Variants in TOP1 observed in about 807,000 individuals in gnomAD.
TOP1 encodes the protein DNA topoisomerase 1.
A neutral mutation model predicts 111.1 loss-of-function variants in TOP1; 10 were observed. The observed-to-expected ratio is 0.09, with a 90% CI of 0.06 to 0.15. The LOEUF is 0.15. Ranked by LOEUF, TOP1 falls within the 10% of genes least tolerant of loss-of-function variation. The pLI is 1.00. For synonymous variants in TOP1, 271 were observed against 302.9 expected, an observed-to-expected ratio of 0.89 and a Z score of 1.10; for missense variants, 474 against 926.7, an observed-to-expected ratio of 0.51 and a Z score of 6.34.
rs183807984 is a variant in TOP1 at position 41,118,430 on chromosome 20, G to A, written c.1950+134G>A. 16 of 989,038 alleles carry A rather than the reference G, an allele frequency of 1.6e-5. No individual in the cohort carries two copies. The East Asian group carries it at 3.9e-4, about 24-fold the overall frequency. The allele number at this position is 989,038 out of a possible 1,614,324, so 61.3% of individuals were successfully genotyped here. A position where few individuals can be genotyped will look rare whatever the true frequency, so the allele number is the denominator to read the frequency against. Reference sequence around the variant, plus strand: ...AGGTCTATGCTAAAGATAAACAAATGGAAATATGATAGTAGTTAATCTCTG... The same window carrying A: ...AGGTCTATGCTAAAGATAAACAAATAGAAATATGATAGTAGTTAATCTCTG... On this transcript the variant is annotated intron_variant, in intron 18 of 20. Transcript: ENST00000361337. This position sits in a 1 kb window ranked among gnomAD's most constrained non-coding sequence, Gnocchi z 4.6.
Position 41,082,877 on chromosome 20 carries a change from T to C in TOP1, c.508-1585T>C, listed in dbSNP as rs2033805021. 1.3e-5 allele frequency among the ~76,000 whole-genome samples: 2 copies of C among 151,826 alleles called. No individual in the cohort carries two copies. Among genetic ancestry groups the C allele is most frequent in the African/African-American group, 4.8e-5 (2 of 41,308 alleles). ...TTATATTGCATTTATGCAAAAATAA[T>C]ACTCTGAGTTTGTTAAACCATTGGG... On this transcript the variant is annotated intron_variant, in intron 7 of 20. Coordinates refer to ENST00000361337, the MANE Select transcript of TOP1 (RefSeq NM_003286.4). The surrounding 1 kb of genome is among the most constrained non-coding windows in gnomAD (Gnocchi z 4.1).
chr20:41,084,490 A>T lies in TOP1; in HGVS notation c.536A>T (p.Lys179Ile). The change falls in exon 8 of 21, where the codon AAA becomes ATA. Residue 179 changes from lysine to isoleucine, a missense_variant. Coordinates refer to ENST00000361337, the MANE Select transcript of TOP1 (RefSeq NM_003286.4). ...EDGKLKKPKN[K>I]DKDKKVPEPD... is the part of the protein sequence containing the mutation. ...GGTAAATTGAAAAAACCCAAGAATA[A>T]AGATAAAGATAAAAAAGTTCCTGAG... 4.5e-6 allele frequency: 7 copies of T among 1,570,526 alleles called. No homozygotes were observed. Among genetic ancestry groups the T allele is most frequent in the Non-Finnish European group, 6.0e-6 (7 of 1,157,404 alleles).
At chr20:41,038,938 G>A (rs6102254) in intron 2 of TOP1, among the ~76,000 whole-genome samples, 7,834 of 151,660 alleles carry the variant, frequency 0.052, 681 homozygotes, top group African/African-American at 0.18. Context: ...GCAGTGAGCC[G>A]TGAGCATGCC....
chr20:41,106,124 A>G lies in TOP1; in HGVS notation c.1308+4771A>G, dbSNP rs2034141703. On this transcript the variant is annotated intron_variant, in intron 13 of 20. Transcript: ENST00000361337. This position sits in a 1 kb window ranked among gnomAD's most constrained non-coding sequence, Gnocchi z 4.3. ...AACCTAATATATTTTCCAAATGAGTAAACTGTTGTCACAGAACTATTTAGT... is the reference window on the plus strand; with the variant it reads ...AACCTAATATATTTTCCAAATGAGTGAACTGTTGTCACAGAACTATTTAGT... 6.6e-6 allele frequency among the ~76,000 whole-genome samples: 1 copy of G among 152,294 alleles called. No individual in the cohort carries two copies. The highest frequency in any genetic ancestry group is 6.5e-5 in the Admixed American group (1 of 15,298).
In TOP1 at chr20:41,029,573, T is replaced by C. The variant is rs1402898182; in HGVS notation, c.58+118T>C. 1 of 814,030 alleles carries C rather than the reference T, an allele frequency of 1.2e-6. No homozygotes were observed. The highest frequency in any genetic ancestry group is 2.0e-6 in the Non-Finnish European group (1 of 493,306). The allele number at this position is 814,030 out of a possible 1,614,324, so 50.4% of individuals were successfully genotyped here. On this transcript the variant is annotated intron_variant, in intron 2 of 20. Coordinates refer to ENST00000361337, the MANE Select transcript of TOP1 (RefSeq NM_003286.4). This position sits in a 1 kb window ranked among gnomAD's most constrained non-coding sequence, Gnocchi z 6.1. ...GTCCCAGAGACTAAGTCCCGGCTCC[T>C]CGCTCACCGGCCCCATTGTTCCCAT...
At position 41,123,158 on chromosome 20, in the gene TOP1, C is replaced by A; in HGVS notation, c.2196-37C>A. The A allele has an allele frequency of 6.8e-7, 1 of 1,471,800 alleles. No individual in the cohort carries two copies. The highest frequency in any genetic ancestry group is 1.7e-4 in the Middle Eastern group (1 of 5,782). 91.2% of individuals were successfully genotyped at this position (1,471,800 alleles called of 1,614,324 possible). ...CCTCAGATATGGGCCATTGCTGAGTCACCCTAATCCCCCCCTTATTTCTCC... is the reference window on the plus strand; with the variant it reads ...CCTCAGATATGGGCCATTGCTGAGTAACCCTAATCCCCCCCTTATTTCTCC... On this transcript the variant is annotated intron_variant, in intron 20 of 20. Coordinates refer to ENST00000361337, the MANE Select transcript of TOP1 (RefSeq NM_003286.4). This position sits in a 1 kb window ranked among gnomAD's most constrained non-coding sequence, Gnocchi z 5.8.
intron 2 of TOP1, among the ~76,000 whole-genome samples, chr20:41,044,117 A>T (rs2033302506): frequency 6.6e-6 from 1 of 152,106 alleles, no homozygotes; most frequent in Non-Finnish European, 1.5e-5. Flanking sequence ...TCTCTACTAA[A>T]AATACAAAAT....
At chr20:41,076,453 C>G (rs1369745276) in intron 4 of TOP1, among the ~76,000 whole-genome samples, 159 bp downstream of exon 4, 2 of 152,232 alleles carry the variant, frequency 1.3e-5, no homozygotes, top group African/African-American at 4.8e-5. Context: ...ACTATAAAAA[C>G]TAAGCCTTTT....
chr20:41,070,622 A>G (rs1463346554), intron 3 of TOP1, among the ~76,000 whole-genome samples: 1 of 152,188 alleles, frequency 6.6e-6, no homozygotes, highest in Non-Finnish European at 1.5e-5. Flanking sequence ...TTTCCCTCCT[A>G]AACCAAGACT....
chr20:41,065,506 C>T (rs150472386), intron 3 of TOP1, among the ~76,000 whole-genome samples: 16 of 152,336 alleles, frequency 1.1e-4, no homozygotes, highest in African/African-American at 3.6e-4. Flanking sequence ...AACTTTTCAT[C>T]ATCCCAGTCT....
intron 2 of TOP1, among the ~76,000 whole-genome samples, chr20:41,035,203 G>C (rs1227817470): frequency 2.6e-5 from 4 of 152,162 alleles, no homozygotes; most frequent in Non-Finnish European, 5.9e-5. Context: ...TTTTTGGTAG[G>C]TATTCATTTT....
rs548043915 is a variant in TOP1, at chr20:41,070,880, A to G, written c.156-5291A>G. Among the ~76,000 whole-genome samples, 7 of 152,308 alleles carry G rather than the reference A, an allele frequency of 4.6e-5. No homozygotes were observed. In the South Asian group the frequency reaches 1.5e-3, roughly 32 times the overall value. On this transcript the variant is annotated intron_variant, in intron 3 of 20. Transcript: ENST00000361337. ...GTTTAAATCCTGTTTCTCTCTTTAGAGGTAGTTCCTTGGGTGAGTTACTTA... is the reference window on the plus strand; with the variant it reads ...GTTTAAATCCTGTTTCTCTCTTTAGGGGTAGTTCCTTGGGTGAGTTACTTA...
At chr20:41,033,378 C>G (rs2045111841) in intron 2 of TOP1, among the ~76,000 whole-genome samples, 2 of 144,486 alleles carry the variant, frequency 1.4e-5, no homozygotes, top group East Asian at 2.1e-4. Context: ...GGAATTGAGT[C>G]TGACTTTTTC....
intron 18 of TOP1, among the ~76,000 whole-genome samples, chr20:41,120,487 G>A (rs906053130): frequency 6.6e-6 from 1 of 152,210 alleles, no homozygotes; most frequent in Non-Finnish European, 1.5e-5. Context: ...CCTGCCCTCT[G>A]AGTAGCGTGA....
At chr20:41,081,495 G>A (rs2145938565) in intron 7 of TOP1, among the ~76,000 whole-genome samples, 1 of 152,290 alleles carries the variant, frequency 6.6e-6, no homozygotes, top group Middle Eastern at 3.4e-3. Context: ...CCACAGCTAG[G>A]CTGCCAACAG....
intron 2 of TOP1, among the ~76,000 whole-genome samples, chr20:41,044,973 A>C (rs188784880): frequency 1.3e-5 from 2 of 152,178 alleles, no homozygotes; most frequent in African/African-American, 4.8e-5. Flanking sequence ...TATTTAGTAG[A>C]GACGGGGTTT....
At chr20:41,070,617 C>G (rs1392656358) in intron 3 of TOP1, among the ~76,000 whole-genome samples, 1 of 152,188 alleles carries the variant, frequency 6.6e-6, no homozygotes, top group Non-Finnish European at 1.5e-5. Flanking sequence ...ATGAGTTTCC[C>G]TCCTAAACCA....
At position 41,121,591 on chromosome 20, in the gene TOP1, C is replaced by G. The variant is rs374384342; in HGVS notation, c.1951-105C>G. On this transcript the variant is annotated intron_variant, in intron 18 of 20. Transcript: ENST00000361337. The surrounding 1 kb of genome is among the most constrained non-coding windows in gnomAD (Gnocchi z 4.2). Reference sequence around the variant, plus strand: ...CCTTGTTTTTTTTTATCTGACAAACCACTGACAGAGACAGCCTGGTCCAGA... The same window carrying G: ...CCTTGTTTTTTTTTATCTGACAAACGACTGACAGAGACAGCCTGGTCCAGA... 3.5e-6 allele frequency: 3 copies of G among 864,062 alleles called. No individual in the cohort carries two copies. Among genetic ancestry groups the G allele is most frequent in the East Asian group, 4.9e-5 (2 of 41,048 alleles). The allele number at this position is 864,062 out of a possible 1,614,324, so 53.5% of individuals were successfully genotyped here. A position where few individuals can be genotyped will look rare whatever the true frequency, so the allele number is the denominator to read the frequency against.
Position 41,079,230 on chromosome 20 carries a change from G to A in TOP1, c.336-855G>A, listed in dbSNP as rs539698907. On this transcript the variant is annotated intron_variant, in intron 5 of 20. Transcript: ENST00000361337. This position sits in a 1 kb window ranked among gnomAD's most constrained non-coding sequence, Gnocchi z 4.0. The stretch of plus-strand genomic sequence containing the variant: ...TAATCCTTGGATCCCTCCACAGGGG[G>A]CAGCTGCATGTAAGGAGGCCATTTC... 2.0e-5 allele frequency among the ~76,000 whole-genome samples: 3 copies of A among 152,262 alleles called. No homozygotes were observed. The highest frequency in any genetic ancestry group is 3.9e-4 in the East Asian group (2 of 5,186).
Sources: allele counts gnomAD v4.1 joint callset (sites outside exome capture counted in the v4.1 genomes callset), GRCh38; gene constraint gnomAD v4.1.1; non-coding constraint Gnocchi (gnomAD v3.1); transcripts MANE v1.5; gene names NCBI Gene and HGNC (gene_info 2026-07-23, HGNC 2026-07-21).